The following SYT9 variants were observed in gnomAD, a reference collection of about 807,000 sequenced individuals.
The protein encoded by SYT9 is synaptotagmin-9.
SYT9 carries 22 observed loss-of-function variants against 48.4 expected under a neutral mutation model. The ratio of observed to expected loss-of-function variants is 0.45; its 90% confidence interval spans 0.32 to 0.65. The LOEUF (loss-of-function observed/expected upper bound fraction) is 0.65. Among genes scored for constraint, SYT9 ranks in the 30% least tolerant of loss-of-function variants. The pLI is 0.03. For synonymous variants in SYT9, 265 were observed against 245.0 expected (o/e 1.08, Z -0.76); for missense variants, 577 against 622.0 (o/e 0.93, Z 0.77).
At chr11:7,414,127 A>G (rs955620069) in intron 3 of SYT9, among the ~76,000 whole-genome samples, 7 of 152,248 alleles carry the variant, frequency 4.6e-5, no homozygotes, top group Non-Finnish European at 8.8e-5. Flanking sequence ...CCTTGAGGGC[A>G]GAGATTAGAC....
intron 1 of SYT9, among the ~76,000 whole-genome samples, chr11:7,296,768 G>A (rs989461411): frequency 1.4e-4 from 22 of 152,100 alleles, no homozygotes; most frequent in African/African-American, 4.8e-4. Context: ...AGGTAATTGT[G>A]GCATGAATTG....
At chr11:7,250,404 G>A (rs1847847163), upstream of SYT9, among the ~76,000 whole-genome samples, 2 of 151,734 alleles carry the variant, frequency 1.3e-5, no homozygotes, top group Admixed American at 1.3e-4. Context: ...ATTTCCATGT[G>A]CTTCAACACA....
At chr11:7,254,302 C>T (rs1847926401) in intron 1 of SYT9, among the ~76,000 whole-genome samples, 1 of 152,138 alleles carries the variant, frequency 6.6e-6, no homozygotes. Context: ...GGAAAGTAGC[C>T]AGCTCATGAG....
intron 1 of SYT9, among the ~76,000 whole-genome samples, chr11:7,256,920 T>C (rs1189760700): frequency 6.6e-6 from 1 of 152,164 alleles, no homozygotes; most frequent in Admixed American, 6.5e-5. Flanking sequence ...GAAAAGCTTT[T>C]TCTAGGTCAT....
intron 6 of SYT9, among the ~76,000 whole-genome samples, chr11:7,437,087 G>T (rs901745581): frequency 6.6e-6 from 1 of 152,224 alleles, no homozygotes; most frequent in Non-Finnish European, 1.5e-5. Context: ...CTGGGAAACT[G>T]TAACTCTACC....
At chr11:7,333,174 A>T (rs1849572620) in intron 3 of SYT9, among the ~76,000 whole-genome samples, 1 of 152,172 alleles carries the variant, frequency 6.6e-6, no homozygotes, top group South Asian at 2.1e-4. Flanking sequence ...GAAATTCACT[A>T]ATTAAGGGGA....
intron 1 of SYT9, among the ~76,000 whole-genome samples, chr11:7,272,135 T>G (rs1010578833): frequency 6.6e-6 from 1 of 152,158 alleles, no homozygotes; most frequent in African/African-American, 2.4e-5. Context: ...TTACCTAACT[T>G]CTTGGTGTCT....
At chr11:7,277,607 A>G (rs985577907) in intron 1 of SYT9, among the ~76,000 whole-genome samples, 2 of 152,238 alleles carry the variant, frequency 1.3e-5, no homozygotes, top group Non-Finnish European at 2.9e-5. Context: ...TTTTTATTAT[A>G]AAGTGTATTA....
At chr11:7,453,956 G>A (rs1010288592) in intron 6 of SYT9, 2 of 982,636 alleles carry the variant, frequency 2.0e-6, no homozygotes, top group African/African-American at 1.8e-5. Flanking sequence ...CTTAAGCCCA[G>A]TCTCCTTCAG....
intron 3 of SYT9, among the ~76,000 whole-genome samples, chr11:7,358,514 A>G (rs959565273): frequency 3.9e-5 from 6 of 152,156 alleles, no homozygotes; most frequent in Non-Finnish European, 4.4e-5. Flanking sequence ...GCAAGCAAGT[A>G]TTCTTGTCTT....
intron 2 of SYT9, among the ~76,000 whole-genome samples, chr11:7,307,016 G>A (rs1251731451): frequency 6.6e-6 from 1 of 152,188 alleles, no homozygotes; most frequent in African/African-American, 2.4e-5. Context: ...ATGACAAAGG[G>A]CCAGAAGTAT....
intron 1 of SYT9, among the ~76,000 whole-genome samples, chr11:7,291,912 T>C (rs1848702987): frequency 6.6e-6 from 1 of 152,136 alleles, no homozygotes; most frequent in Non-Finnish European, 1.5e-5. Context: ...TCCTGGGGTT[T>C]GGAGCAAGGA....
At chr11:7,454,188 C>T in intron 6 of SYT9, 1 of 985,382 alleles carries the variant, frequency 1.0e-6, no homozygotes, top group South Asian at 4.7e-5. Flanking sequence ...CAGAATCACC[C>T]TTCATTTTAA....
chr11:7,291,687 TG>T (rs1372470560), intron 1 of SYT9, among the ~76,000 whole-genome samples: 1 of 137,232 alleles, frequency 7.3e-6, no homozygotes, highest in East Asian at 2.0e-4. Flanking sequence ...TGCTGTGCTC[TG>T]GGGAAAAAAA....
At chr11:7,402,631 A>G (rs1383283286) in intron 3 of SYT9, among the ~76,000 whole-genome samples, 1 of 152,162 alleles carries the variant, frequency 6.6e-6, no homozygotes, top group Non-Finnish European at 1.5e-5. Context: ...CTTCTTTGAG[A>G]TTAATACAGT....
chr11:7,356,923 G>A (rs957501749), intron 3 of SYT9, among the ~76,000 whole-genome samples: 1 of 152,096 alleles, frequency 6.6e-6, no homozygotes, highest in Non-Finnish European at 1.5e-5. Flanking sequence ...ATGGTGGACC[G>A]TAAGCAAATG....
At chr11:7,448,880 T>C (rs1279461213) in intron 6 of SYT9, among the ~76,000 whole-genome samples, 1 of 151,922 alleles carries the variant, frequency 6.6e-6, no homozygotes, top group Non-Finnish European at 1.5e-5. Flanking sequence ...CCAGGCCCAG[T>C]TGACTGGGGT....
chr11:7,293,101 G>A (rs1211928598), intron 1 of SYT9, among the ~76,000 whole-genome samples: 1 of 152,184 alleles, frequency 6.6e-6, no homozygotes, highest in Non-Finnish European at 1.5e-5. Context: ...TGGTCACGCT[G>A]ATGAGACAGC....
At chr11:7,343,039 T>C (rs947450301) in intron 3 of SYT9, among the ~76,000 whole-genome samples, 5 of 152,194 alleles carry the variant, frequency 3.3e-5, no homozygotes, top group African/African-American at 9.6e-5. Flanking sequence ...ACCAAGTCTT[T>C]AGGCTGCACA....
Sources: gnomAD v4.1 joint callset for allele counts (sites outside exome capture counted in the v4.1 genomes callset) on GRCh38, gnomAD v4.1.1 for gene constraint, MANE v1.5 for transcripts, NCBI Gene and HGNC (gene_info 2026-07-23, HGNC 2026-07-21) for gene names.